The following PLCE1 variants were observed in gnomAD, a reference collection of about 807,000 sequenced individuals.
PLCE1 encodes the protein 1-phosphatidylinositol 4,5-bisphosphate phosphodiesterase epsilon-1.
Under a neutral mutation model 242.8 loss-of-function variants are expected in PLCE1, and 119 were observed. The ratio of observed to expected loss-of-function variants is 0.49; its 90% CI spans 0.42 to 0.57. The LOEUF (loss-of-function observed/expected upper bound fraction) is 0.57. Among genes scored for constraint, PLCE1 ranks in the 20% least tolerant of loss-of-function variants. The pLI is 0.00. For synonymous variants in PLCE1, 945 were observed against 1,017.4 expected, an observed-to-expected ratio of 0.93 and a Z score of 1.35; for missense variants, 2,441 against 2,788.8, an observed-to-expected ratio of 0.88 and a Z score of 2.81.
At chr10:94,191,302 C>T (rs1249829636) in intron 4 of PLCE1, among the ~76,000 whole-genome samples, 2 of 151,966 alleles carry the variant, frequency 1.3e-5, no homozygotes, top group Admixed American at 6.6e-5. Context: ...AGAGAGGACC[C>T]CCCCTGCCCC....
At chr10:94,135,292 G>A (rs949858591) in intron 3 of PLCE1, among the ~76,000 whole-genome samples, 1 of 152,134 alleles carries the variant, frequency 6.6e-6, no homozygotes, top group African/African-American at 2.4e-5. Context: ...AAAAAGATGG[G>A]TCTTCAAAGT....
chr10:94,097,772 C>T (rs532543282), intron 2 of PLCE1, among the ~76,000 whole-genome samples: 2 of 152,174 alleles, frequency 1.3e-5, no homozygotes, highest in Admixed American at 1.3e-4. Flanking sequence ...CCAGCAGGAG[C>T]CTGCTGCCAT....
chr10:94,092,109 A>C (rs965500230), intron 2 of PLCE1, among the ~76,000 whole-genome samples: 2 of 152,238 alleles, frequency 1.3e-5, no homozygotes, highest in African/African-American at 4.8e-5. Context: ...TGTATACCTG[A>C]CGAGAATTTT....
At chr10:94,012,503 G>C (rs535043365) in intron 1 of PLCE1, among the ~76,000 whole-genome samples, 1 of 152,112 alleles carries the variant, frequency 6.6e-6, no homozygotes, top group East Asian at 2.0e-4. Flanking sequence ...AGCCTCACAT[G>C]CTGGAAAACA....
At chr10:94,204,288 A>G (rs187024730) in intron 4 of PLCE1, among the ~76,000 whole-genome samples, 1 of 152,308 alleles carries the variant, frequency 6.6e-6, no homozygotes, top group East Asian at 1.9e-4. Context: ...AAGAAGAGGA[A>G]GGAGAGAAAG....
At chr10:94,061,441 T>C (rs2044053108) in intron 2 of PLCE1, among the ~76,000 whole-genome samples, 1 of 152,198 alleles carries the variant, frequency 6.6e-6, no homozygotes, top group Non-Finnish European at 1.5e-5. Flanking sequence ...CCAGGACAAA[T>C]GAGAACTCCT....
chr10:94,035,516 G>T (rs2061646841), intron 2 of PLCE1, among the ~76,000 whole-genome samples: 1 of 152,136 alleles, frequency 6.6e-6, no homozygotes, highest in Non-Finnish European at 1.5e-5. Flanking sequence ...GCTGGGAGAG[G>T]TTGCCACACC....
chr10:94,211,245 T>C (rs1007480874), intron 4 of PLCE1, among the ~76,000 whole-genome samples: 1 of 152,196 alleles, frequency 6.6e-6, no homozygotes, highest in Non-Finnish European at 1.5e-5. Flanking sequence ...GTCCTCCTTA[T>C]CCACCACTTC....
At chr10:94,320,462 T>C (rs1341696668) in intron 29 of PLCE1, among the ~76,000 whole-genome samples, 1 of 152,224 alleles carries the variant, frequency 6.6e-6, no homozygotes, top group Non-Finnish European at 1.5e-5. Context: ...GTTGCAGTTT[T>C]GGCGCCACCT....
At chr10:94,072,784 G>A (rs2044397917) in intron 2 of PLCE1, among the ~76,000 whole-genome samples, 1 of 152,068 alleles carries the variant, frequency 6.6e-6, no homozygotes, top group Non-Finnish European at 1.5e-5. Context: ...CATTTCTTAT[G>A]TAATGAAGAG....
intron 7 of PLCE1, among the ~76,000 whole-genome samples, chr10:94,238,337 T>C (rs1217167402): frequency 6.6e-6 from 1 of 152,238 alleles, no homozygotes; most frequent in Non-Finnish European, 1.5e-5. Flanking sequence ...CAATGGGGTC[T>C]TCAAGTAGGC....
chr10:94,020,481 A>G (rs2061357504), intron 1 of PLCE1, among the ~76,000 whole-genome samples: 3 of 152,190 alleles, frequency 2.0e-5, no homozygotes, highest in Non-Finnish European at 4.4e-5. Flanking sequence ...TTTAATTTTG[A>G]TTAATTCAAT....
chr10:94,024,813 T>C lies in PLCE1; in HGVS notation c.-364-5870T>C, dbSNP rs1294127047. ...TTAGTGACTATAACTTTCCCACCAA[T>C]GCAGGAATTTTCTATAGAGGTTTCT... On this transcript the variant is annotated intron_variant, in intron 1 of 32. Coordinates refer to ENST00000371380, the MANE Select transcript of PLCE1 (RefSeq NM_016341.4). Among the ~76,000 whole-genome samples the C allele has an allele frequency of 3.3e-5, 5 of 152,124 alleles. No individual in the cohort carries two copies. The East Asian group carries it at 7.7e-4, about 23-fold the overall frequency.
At chr10:94,206,057 T>A (rs1480745797) in intron 4 of PLCE1, among the ~76,000 whole-genome samples, 1 of 152,116 alleles carries the variant, frequency 6.6e-6, no homozygotes, top group Non-Finnish European at 1.5e-5. Context: ...TACCCTATGA[T>A]AAGCGCCAGG....
chr10:94,254,780 C>A, intron 10 of PLCE1, 113 bp from the exon 11 acceptor site: 1 of 1,173,810 alleles, frequency 8.5e-7, no homozygotes, highest in Non-Finnish European at 1.3e-6. Flanking sequence ...GTATAGAAAC[C>A]AGCTGCATAG....
chr10:94,185,151 G>A (rs747848231), intron 4 of PLCE1, among the ~76,000 whole-genome samples: 1 of 152,232 alleles, frequency 6.6e-6, no homozygotes, highest in Non-Finnish European at 1.5e-5. Context: ...AAGAGATCAT[G>A]GTTAGAGAAG....
chr10:94,257,743 G>A (rs1226992109), intron 11 of PLCE1, among the ~76,000 whole-genome samples: 3 of 152,154 alleles, frequency 2.0e-5, no homozygotes, highest in African/African-American at 7.2e-5. Context: ...GACACAGGGC[G>A]GGGAATATCA....
At chr10:94,081,247 C>T (rs1277148062) in intron 2 of PLCE1, among the ~76,000 whole-genome samples, 1 of 152,004 alleles carries the variant, frequency 6.6e-6, no homozygotes, top group African/African-American at 2.4e-5. Context: ...TTGGATTATT[C>T]TGTTGCCTGT....
At chr10:94,165,830 C>T (rs2047784200) in intron 3 of PLCE1, among the ~76,000 whole-genome samples, 3 of 151,958 alleles carry the variant, frequency 2.0e-5, no homozygotes, top group Admixed American at 6.6e-5. Context: ...GCCTCAGTCT[C>T]CCGAGTAGCT....
Sources: allele counts gnomAD v4.1 joint callset (sites outside exome capture counted in the v4.1 genomes callset), GRCh38; gene constraint gnomAD v4.1.1; transcripts MANE v1.5; gene names NCBI Gene and HGNC (gene_info 2026-07-23, HGNC 2026-07-21).